Variants in RIN2 observed in about 807,000 individuals in gnomAD.
RIN2 encodes the protein Ras and Rab interactor 2, also known as RAB5 interacting protein 2.
RIN2 carries 36 observed loss-of-function variants against 78.0 expected under a neutral mutation model. The observed-to-expected ratio is 0.46, with a 90% CI of 0.35 to 0.61. The LOEUF is 0.61. RIN2 is among the 20% of genes least tolerant of loss of function. The pLI is 0.00. For synonymous variants in RIN2, 466 were observed against 466.8 expected (o/e 1.00, Z 0.02); for missense variants, 1,087 against 1,159.7 (o/e 0.94, Z 0.91).
chr20:19,885,762 A>G (rs1417273829), intron 2 of RIN2, among the ~76,000 whole-genome samples: 4 of 151,876 alleles, frequency 2.6e-5, no homozygotes, highest in Non-Finnish European at 4.4e-5. Flanking sequence ...CACTCAGAAC[A>G]AAAAAAAGCA....
chr20:19,901,740 A>G (rs4814924), intron 3 of RIN2, among the ~76,000 whole-genome samples: 136,628 of 152,228 alleles, frequency 0.9, 61,558 homozygotes, highest in African/African-American at 0.97. Flanking sequence ...AAACAGGTCG[A>G]GTGCGGTGGC....
intron 2 of RIN2, among the ~76,000 whole-genome samples, chr20:19,843,604 A>G (rs915845846): frequency 6.6e-6 from 1 of 152,244 alleles, no homozygotes; most frequent in Non-Finnish European, 1.5e-5. Context: ...TAACTTCTAC[A>G]TGCACTGGAA....
At chr20:19,845,895 A>G (rs2036766077) in intron 2 of RIN2, among the ~76,000 whole-genome samples, 1 of 152,182 alleles carries the variant, frequency 6.6e-6, no homozygotes, top group Non-Finnish European at 1.5e-5. Context: ...ATCTTGAGTT[A>G]ATTTCTGTAT....
intron 3 of RIN2, among the ~76,000 whole-genome samples, chr20:19,915,315 C>T (rs1453078939): frequency 6.6e-6 from 1 of 152,064 alleles, no homozygotes; most frequent in African/African-American, 2.4e-5. Context: ...CACATAAGAG[C>T]GAGGCAGCTG....
chr20:19,854,220 T>C (rs2037087048), intron 2 of RIN2, among the ~76,000 whole-genome samples: 1 of 152,194 alleles, frequency 6.6e-6, no homozygotes, highest in Admixed American at 6.5e-5. Flanking sequence ...GAGGGCTCTG[T>C]TCTGTTCCAT....
chr20:19,789,358 C>T (rs181714398), intron 1 of RIN2, among the ~76,000 whole-genome samples: 11 of 152,210 alleles, frequency 7.2e-5, no homozygotes, highest in Admixed American at 4.6e-4. Context: ...TTGGGATATG[C>T]GAAGATTTTT....
At position 19,974,872 on chromosome 20, in the gene RIN2, G is replaced by A; in HGVS notation, c.847G>A (p.Asp283Asn). The A allele has an allele frequency of 5.6e-6, 9 of 1,614,014 alleles. No homozygotes were observed. The highest frequency in any genetic ancestry group is 7.6e-6 in the Non-Finnish European group (9 of 1,179,898). The change falls in exon 9 of 13, where the codon GAC becomes AAC. Residue 283 changes from aspartate to asparagine, a missense_variant. By Grantham distance (23) the Asp-to-Asn change is conservative (BLOSUM62 1). Coordinates refer to ENST00000255006, the MANE Select transcript of RIN2 (RefSeq NM_018993.4). Reference protein sequence around the residue: ...NPLFLKVHSQDLSGGLKRPST... With the variant: ...NPLFLKVHSQNLSGGLKRPST... The stretch of plus-strand genomic sequence containing the variant: ...CCTTTTCTTGAAAGTGCACAGCCAG[G>A]ACCTCAGTGGAGGCCTGAAACGGCC...
intron 3 of RIN2, among the ~76,000 whole-genome samples, chr20:19,916,696 AC>A (rs1266671926): frequency 6.6e-6 from 1 of 152,222 alleles, no homozygotes; most frequent in African/African-American, 2.4e-5. Context: ...AACCCCGCAT[AC>A]TTTATTCACT....
At chr20:19,980,219 A>G (rs934353946) in intron 9 of RIN2, among the ~76,000 whole-genome samples, 17 of 152,204 alleles carry the variant, frequency 1.1e-4, no homozygotes, top group African/African-American at 3.9e-4. Flanking sequence ...AAAAGAAGAA[A>G]GATTGTGGTA....
intron 2 of RIN2, among the ~76,000 whole-genome samples, chr20:19,800,957 C>T (rs2035222531): frequency 6.6e-6 from 1 of 152,216 alleles, no homozygotes; most frequent in Non-Finnish European, 1.5e-5. Flanking sequence ...TTGTGAGGTT[C>T]ACCACTGCTC....
chr20:19,849,497 C>CAG (rs751206583), intron 2 of RIN2, among the ~76,000 whole-genome samples: 23 of 151,976 alleles, frequency 1.5e-4, no homozygotes, highest in Non-Finnish European at 2.6e-4. Context: ...AGCAAAGTTG[C>CAG]AGAGAGAGAG....
chr20:19,900,924 T>C (rs1478516846), intron 3 of RIN2, among the ~76,000 whole-genome samples: 1 of 117,086 alleles, frequency 8.5e-6, no homozygotes, highest in Non-Finnish European at 1.6e-5. Context: ...CACTCTGGCC[T>C]GGGCAACAAG....
intron 1 of RIN2, among the ~76,000 whole-genome samples, chr20:19,784,082 G>A (rs1024007067): frequency 6.6e-5 from 10 of 152,174 alleles, no homozygotes; most frequent in Admixed American, 1.3e-4. Flanking sequence ...ACCGGATGGC[G>A]CTGCTTGAAA....
At chr20:19,888,891 G>T (rs1456583680) in intron 2 of RIN2, among the ~76,000 whole-genome samples, 1 of 152,256 alleles carries the variant, frequency 6.6e-6, no homozygotes. Context: ...AGCCCAAAAA[G>T]CTACAGTTAG....
At chr20:19,991,433 C>A (rs2042794008) in intron 10 of RIN2, among the ~76,000 whole-genome samples, 1 of 152,164 alleles carries the variant, frequency 6.6e-6, no homozygotes, top group Non-Finnish European at 1.5e-5. Flanking sequence ...CAGGATAATT[C>A]TTCTTTTGGG....
chr20:19,875,749 C>G (rs1166190427), intron 2 of RIN2, among the ~76,000 whole-genome samples: 1 of 152,016 alleles, frequency 6.6e-6, no homozygotes, highest in African/African-American at 2.4e-5. Context: ...AATCACTCAA[C>G]ACGTTCCCAG....
At chr20:19,982,681 C>G (rs1239840953) in intron 9 of RIN2, among the ~76,000 whole-genome samples, 3 of 152,208 alleles carry the variant, frequency 2.0e-5, no homozygotes, top group Non-Finnish European at 4.4e-5. Flanking sequence ...GCTGTGCCCA[C>G]TGACACTTGC....
chr20:19,772,046 T>TG (rs148471148), intron 1 of RIN2, among the ~76,000 whole-genome samples: 11,148 of 152,236 alleles, frequency 0.073, 418 homozygotes, highest in South Asian at 0.12. Context: ...ATAGAACAGA[T>TG]GCGCGCTCTC....
At chr20:19,843,782 T>A (rs1042568733) in intron 2 of RIN2, among the ~76,000 whole-genome samples, 1 of 152,222 alleles carries the variant, frequency 6.6e-6, no homozygotes, top group African/African-American at 2.4e-5. Flanking sequence ...TTGAAAAATA[T>A]AGTCACTTTT....
Sources: gnomAD v4.1 joint callset for allele counts (sites outside exome capture counted in the v4.1 genomes callset) on GRCh38, gnomAD v4.1.1 for gene constraint, MANE v1.5 for transcripts, NCBI Gene and HGNC (gene_info 2026-07-23, HGNC 2026-07-21) for gene names.